Variants in STRA8 observed in about 807,000 individuals in gnomAD.
STRA8 encodes stimulated by retinoic acid 8.
In STRA8, 18 loss-of-function variants were observed where a neutral mutation model predicts 37.1. The observed-to-expected ratio is 0.48, with a 90% CI of 0.34 to 0.72. The LOEUF is 0.72. Ranked by LOEUF, STRA8 falls within the 30% of genes least tolerant of loss-of-function variation. STRA8 has a pLI of 0.01. For synonymous variants in STRA8, 168 were observed against 162.9 expected, an observed-to-expected ratio of 1.03 and a Z score of -0.24; for missense variants, 357 against 410.4, an observed-to-expected ratio of 0.87 and a Z score of 1.13.
upstream of STRA8, among the ~76,000 whole-genome samples, chr7:135,232,373 G>A (rs549880340): frequency 2.6e-5 from 4 of 151,860 alleles, no homozygotes; most frequent in Non-Finnish European, 5.9e-5. Flanking sequence ...AGCCCTGAGC[G>A]ACCCTAGGTC....
chr7:135,252,013 A>AGTGTGTGT (rs59621186), intron 7 of STRA8, 144 bp downstream of exon 7: 68,928 of 498,344 alleles, frequency 0.14, 2,453 homozygotes, highest in Middle Eastern at 0.17. Context: ...AGAGAGAGAG[A>AGTGTGTGT]GTGTGTGTGT....
At chr7:135,242,992 C>A in intron 3 of STRA8, 136 bp downstream of exon 3, 1 of 979,340 alleles carries the variant, frequency 1.0e-6, no homozygotes, top group Non-Finnish European at 1.6e-6. Context: ...AGGAACTGTG[C>A]TTGGGCCAAT....
At chr7:135,242,742 G>A (rs754757726) in intron 2 of STRA8, 39 bp from the exon 3 acceptor site, 9 of 1,601,752 alleles carry the variant, frequency 5.6e-6, no homozygotes, top group Admixed American at 1.7e-5. Flanking sequence ...TCTCTGCAGT[G>A]AGAGGCTGGC....
intron 3 of STRA8, 66 bp downstream of exon 3, chr7:135,242,922 G>A: frequency 6.6e-7 from 1 of 1,507,626 alleles, no homozygotes; most frequent in African/African-American, 1.4e-5. Context: ...TTTTTCTATT[G>A]AAAACAGAAG....
At chr7:135,233,376 T>G (rs1832320723), upstream of STRA8, among the ~76,000 whole-genome samples, 1 of 152,202 alleles carries the variant, frequency 6.6e-6, no homozygotes, top group Non-Finnish European at 1.5e-5. Context: ...TGTTTTCGCT[T>G]GAGGCAGCGA....
intron 1 of STRA8, among the ~76,000 whole-genome samples, chr7:135,237,213 G>C (rs932442817): frequency 6.6e-6 from 1 of 152,198 alleles, no homozygotes; most frequent in African/African-American, 2.4e-5. Flanking sequence ...GAGATTCTGA[G>C]TTTTCAAGGC....
intron 1 of STRA8, among the ~76,000 whole-genome samples, chr7:135,240,023 G>T (rs149815838): frequency 4.6e-4 from 70 of 152,130 alleles, no homozygotes; most frequent in African/African-American, 1.6e-3. Context: ...AGGTAGAAAA[G>T]ACCTCACAGT....
chr7:135,255,493 C>A (rs1183139742), intron 8 of STRA8, among the ~76,000 whole-genome samples: 1 of 152,220 alleles, frequency 6.6e-6, no homozygotes, highest in Non-Finnish European at 1.5e-5. Flanking sequence ...AGGCCACAGA[C>A]CAGTACAGAT....
intron 4 of STRA8, 76 bp downstream of exon 4, chr7:135,243,486 C>T: frequency 7.3e-7 from 1 of 1,360,716 alleles, no homozygotes; most frequent in South Asian, 1.2e-5. Context: ...GGTGGCAACT[C>T]ACCCTTCCTC....
chr7:135,254,202 G>A (rs924232705), intron 7 of STRA8, among the ~76,000 whole-genome samples: 8 of 152,160 alleles, frequency 5.3e-5, no homozygotes, highest in African/African-American at 1.9e-4. Flanking sequence ...GACAACCATC[G>A]AGAAGCTGCC....
At position 135,254,972 on chromosome 7, in the gene STRA8, T is replaced by G. The variant is rs1405622033; in HGVS notation, c.954-142T>G. The G allele has an allele frequency of 4.1e-5, 28 of 689,784 alleles. No individual in the cohort carries two copies. In the East Asian group the frequency reaches 7.6e-4, roughly 19 times the overall value. 42.7% of individuals were successfully genotyped at this position (689,784 alleles called of 1,614,324 possible). ...TATGTGAGCAGAGGTAACACAAACC[T>G]TTCAAGGAGAGGTCTGGGCTGTCTG... is the stretch of plus-strand genomic sequence containing the variant. On this transcript the variant is annotated intron_variant, in intron 7 of 8. Coordinates refer to ENST00000662584, the MANE Select transcript of STRA8 (RefSeq NM_001394401.1).
At chr7:135,248,823 G>T (rs1832600952) in intron 6 of STRA8, among the ~76,000 whole-genome samples, 2 of 152,224 alleles carry the variant, frequency 1.3e-5, no homozygotes, top group Non-Finnish European at 2.9e-5. Flanking sequence ...TCCCAGTGCA[G>T]ATGTTCAATG....
At chr7:135,244,165 TCTC>T (rs1471129120) in intron 4 of STRA8, among the ~76,000 whole-genome samples, 1 of 152,204 alleles carries the variant, frequency 6.6e-6, no homozygotes, top group African/African-American at 2.4e-5. Flanking sequence ...TTCAAGAACT[TCTC>T]CTGCCTCAGA....
At chr7:135,247,985 T>G (rs1832589156) in intron 6 of STRA8, among the ~76,000 whole-genome samples, 1 of 152,214 alleles carries the variant, frequency 6.6e-6, no homozygotes, top group South Asian at 2.1e-4. Flanking sequence ...ATCCATGGCT[T>G]CCGCCTGATA....
At chr7:135,234,596 A>AT (rs1160358861) in intron 1 of STRA8, among the ~76,000 whole-genome samples, 4 of 152,116 alleles carry the variant, frequency 2.6e-5, no homozygotes, top group South Asian at 2.1e-4. Context: ...AGGTGAGGGC[A>AT]TTTTTTTTAA....
chr7:135,257,852 C>T (rs1415960439), intron 8 of STRA8, among the ~76,000 whole-genome samples: 5 of 152,194 alleles, frequency 3.3e-5, no homozygotes, highest in Non-Finnish European at 5.9e-5. Flanking sequence ...TGCTTCCTAC[C>T]CCATACCCTC....
intron 1 of STRA8, among the ~76,000 whole-genome samples, chr7:135,239,475 G>A (rs1441253109): frequency 2.6e-5 from 4 of 152,160 alleles, no homozygotes; most frequent in Admixed American, 2.0e-4. Flanking sequence ...AGCAGAAACC[G>A]CTCACTGTAA....
chr7:135,256,791 T>G (rs1044788763), intron 8 of STRA8, among the ~76,000 whole-genome samples: 3 of 151,854 alleles, frequency 2.0e-5, no homozygotes, highest in Non-Finnish European at 4.4e-5. Context: ...GGCAACAGAG[T>G]GAGACTCTCT....
chr7:135,236,266 A>ATATG (rs34006697), intron 1 of STRA8, among the ~76,000 whole-genome samples: 45,177 of 146,108 alleles, frequency 0.31, 7,453 homozygotes, highest in East Asian at 0.51. Flanking sequence ...ATATATATAT[A>ATATG]TGTGTGTGTG....
Sources: gnomAD v4.1 joint callset for allele counts (sites outside exome capture counted in the v4.1 genomes callset) on GRCh38, gnomAD v4.1.1 for gene constraint, MANE v1.5 for transcripts, NCBI Gene and HGNC (gene_info 2026-07-23, HGNC 2026-07-21) for gene names.